Variants in ADAMTSL1 observed in about 807,000 individuals in gnomAD.
The protein encoded by ADAMTSL1 is ADAMTS like 1.
ADAMTSL1 carries 126 observed loss-of-function variants against 201.8 expected under a neutral mutation model. The ratio of observed to expected loss-of-function variants is 0.62; its 90% confidence interval spans 0.54 to 0.72. The LOEUF is 0.72. ADAMTSL1 is among the 30% of genes least tolerant of loss of function. ADAMTSL1 has a pLI of 0.00. For synonymous variants in ADAMTSL1, 1,121 were observed against 903.4 expected, an observed-to-expected ratio of 1.24 and a Z score of -4.32; for missense variants, 2,679 against 2,277.8, an observed-to-expected ratio of 1.18 and a Z score of -3.59.
At chr9:18,182,438 C>T (rs1407857433) in intron 2 of ADAMTSL1, among the ~76,000 whole-genome samples, 1 of 152,050 alleles carries the variant, frequency 6.6e-6, no homozygotes, top group Non-Finnish European at 1.5e-5. Context: ...GAAGGGAAAA[C>T]AAAGACTCAA....
intron 2 of ADAMTSL1, among the ~76,000 whole-genome samples, chr9:18,455,891 A>G (rs1200798099): frequency 6.6e-6 from 1 of 152,124 alleles, no homozygotes; most frequent in Non-Finnish European, 1.5e-5. Context: ...TACAGTTTAA[A>G]GAAAGAGACC....
At chr9:18,017,597 G>T (rs145442300) in intron 1 of ADAMTSL1, among the ~76,000 whole-genome samples, 10 of 151,880 alleles carry the variant, frequency 6.6e-5, no homozygotes, top group Non-Finnish European at 1.0e-4. Flanking sequence ...TACGGTCTGC[G>T]AGCATTTTTG....
At chr9:18,469,221 T>C (rs1587300526), upstream of ADAMTSL1, among the ~76,000 whole-genome samples, 1 of 152,236 alleles carries the variant, frequency 6.6e-6, no homozygotes, top group Admixed American at 6.5e-5. Flanking sequence ...CTCCCTTCTC[T>C]GAATTCTCAT....
At chr9:18,766,554 A>G (rs1289932862) in intron 16 of ADAMTSL1, among the ~76,000 whole-genome samples, 2 of 152,178 alleles carry the variant, frequency 1.3e-5, no homozygotes, top group African/African-American at 4.8e-5. Flanking sequence ...AAAACAAAAT[A>G]CCGTAGACTG....
At chr9:18,297,219 C>T (rs539520126) in intron 2 of ADAMTSL1, among the ~76,000 whole-genome samples, 1 of 152,230 alleles carries the variant, frequency 6.6e-6, no homozygotes, top group South Asian at 2.1e-4. Flanking sequence ...TGGGGATTGC[C>T]AGGGACTTAC....
intron 2 of ADAMTSL1, among the ~76,000 whole-genome samples, chr9:18,197,021 C>T (rs1241931498): frequency 6.6e-6 from 1 of 152,154 alleles, no homozygotes; most frequent in East Asian, 1.9e-4. Context: ...GTGCTTTTAA[C>T]ACATCTGGCA....
At chr9:18,367,861 G>A (rs1836844527) in intron 2 of ADAMTSL1, among the ~76,000 whole-genome samples, 1 of 151,840 alleles carries the variant, frequency 6.6e-6, no homozygotes, top group Non-Finnish European at 1.5e-5. Flanking sequence ...ACATAGCTCT[G>A]AAGATGAAGG....
At position 18,528,023 on chromosome 9, in the gene ADAMTSL1, G is replaced by T. The variant is rs1198904599; in HGVS notation, c.192-5224G>T. 2.0e-5 allele frequency among the ~76,000 whole-genome samples: 3 copies of T among 152,032 alleles called. No individual in the cohort carries two copies. The East Asian group carries it at 5.8e-4, about 30-fold the overall frequency. ...CTCCTGAGTAGCTGGGATTACAGGT[G>T]CCTGCCACCATGCCCGGCTAATTTT... On this transcript the variant is annotated intron_variant, in intron 2 of 28. Coordinates refer to ENST00000380548, the MANE Select transcript of ADAMTSL1 (RefSeq NM_001040272.6).
intron 23 of ADAMTSL1, 145 bp downstream of exon 23, chr9:18,830,122 C>T (rs1322513743): frequency 1.0e-5 from 12 of 1,155,866 alleles, no homozygotes; most frequent in South Asian, 6.4e-5. Flanking sequence ...TCCAGACTCA[C>T]CAGTGGAAAC....
At chr9:17,937,647 T>A (rs72614250) in intron 1 of ADAMTSL1, among the ~76,000 whole-genome samples, 141,470 of 151,538 alleles carry the variant, frequency 0.93, 66,241 homozygotes, top group Non-Finnish European at 0.97. Flanking sequence ...TTAAATTCCT[T>A]AAATACTAAG....
chr9:18,858,789 G>A (rs891400781), intron 23 of ADAMTSL1, among the ~76,000 whole-genome samples: 1 of 152,152 alleles, frequency 6.6e-6, no homozygotes, highest in African/African-American at 2.4e-5. Context: ...GCTGTCATTG[G>A]TACCCCTTCC....
chr9:18,684,668 G>A (rs1830714152), intron 12 of ADAMTSL1, 48 bp from the exon 13 acceptor site: 1 of 1,568,418 alleles, frequency 6.4e-7, no homozygotes, highest in South Asian at 1.2e-5. Flanking sequence ...TAAAATCCCA[G>A]ATTGGTTCTA....
chr9:18,879,995 C>G (rs1470397551), intron 23 of ADAMTSL1, among the ~76,000 whole-genome samples: 10 of 152,210 alleles, frequency 6.6e-5, no homozygotes, highest in Non-Finnish European at 1.3e-4. Flanking sequence ...AGAGTAGATT[C>G]CATCTCAAGA....
At chr9:18,024,859 G>T (rs185913454) in intron 1 of ADAMTSL1, among the ~76,000 whole-genome samples, 1 of 152,138 alleles carries the variant, frequency 6.6e-6, no homozygotes, top group African/African-American at 2.4e-5. Context: ...TTCCAGAGAG[G>T]GTGAACTAAT....
chr9:18,496,793 G>T (rs900893086), intron 1 of ADAMTSL1, among the ~76,000 whole-genome samples: 2 of 152,186 alleles, frequency 1.3e-5, no homozygotes, highest in African/African-American at 2.4e-5. Flanking sequence ...TCTACAGATG[G>T]TTTGTAAATT....
intron 1 of ADAMTSL1, among the ~76,000 whole-genome samples, chr9:18,046,609 C>T (rs1257115497): frequency 6.6e-6 from 1 of 152,122 alleles, no homozygotes; most frequent in Admixed American, 6.6e-5. Flanking sequence ...CAGTCTCTGC[C>T]ACAGGAAATA....
At chr9:18,864,937 C>A (rs528504209) in intron 23 of ADAMTSL1, among the ~76,000 whole-genome samples, 1 of 151,874 alleles carries the variant, frequency 6.6e-6, no homozygotes, top group African/African-American at 2.4e-5. Context: ...GATGTTAGAC[C>A]CATTCAGAGA....
intron 3 of ADAMTSL1, among the ~76,000 whole-genome samples, chr9:18,566,348 G>T (rs571332661): frequency 6.6e-6 from 1 of 152,286 alleles, no homozygotes; most frequent in Admixed American, 6.5e-5. Context: ...GGAAAAGATT[G>T]CTGTCCTTCT....
intron 1 of ADAMTSL1, among the ~76,000 whole-genome samples, chr9:18,131,786 G>C (rs1825963884): frequency 6.6e-6 from 1 of 152,058 alleles, no homozygotes; most frequent in Non-Finnish European, 1.5e-5. Context: ...CAATGGGTTG[G>C]GTTTCAGGAG....
Sources: gnomAD v4.1 joint callset for allele counts (sites outside exome capture counted in the v4.1 genomes callset) on GRCh38, gnomAD v4.1.1 for gene constraint, MANE v1.5 for transcripts, NCBI Gene and HGNC (gene_info 2026-07-23, HGNC 2026-07-21) for gene names.